The following FANCM variants were observed in gnomAD, a reference collection of about 807,000 sequenced individuals.
The protein encoded by FANCM is FA complementation group M, also known as Fanconi anemia group M protein.
FANCM carries 140 observed loss-of-function variants against 199.5 expected under a neutral mutation model. The ratio of observed to expected loss-of-function variants is 0.70; its 90% CI spans 0.61 to 0.81. The LOEUF is 0.81. Ranked by LOEUF, FANCM falls within the 30% of genes least tolerant of loss-of-function variation. The pLI, the probability that FANCM is intolerant of heterozygous loss-of-function variation, is 0.00. For synonymous variants in FANCM, 840 were observed against 836.8 expected (o/e 1.00, Z -0.07); for missense variants, 2,410 against 2,421.4 (o/e 1.00, Z 0.10).
chr14:45,175,693 A>G lies in FANCM; in HGVS notation c.2939A>G (p.His980Arg). 1 of 1,613,658 alleles carries G rather than the reference A, an allele frequency of 6.2e-7. No individual in the cohort carries two copies. The highest frequency in any genetic ancestry group is 8.5e-7 in the Non-Finnish European group (1 of 1,179,700). Residue 980 changes from histidine (H) to arginine (R), a missense_variant, in exon 14 of 23, where the codon CAC becomes CGC. Transcript: ENST00000267430. ...ACAGATGACCAATTTTATAATTGTCACTCATTGACAAAAGAGGTACTAGCT... is the reference window on the plus strand; with the variant it reads ...ACAGATGACCAATTTTATAATTGTCGCTCATTGACAAAAGAGGTACTAGCT... ...VRTDDQFYNC[H>R]SLTKEVLANV...
In FANCM at chr14:45,148,830, C is replaced by A; in HGVS notation, c.760-7C>A. 6.3e-7 allele frequency: 1 copy of A among 1,595,282 alleles called. No homozygotes were observed. The highest frequency in any genetic ancestry group is 8.6e-7 in the Non-Finnish European group (1 of 1,164,388). The stretch of plus-strand genomic sequence containing the variant: ...GTTTATAATCATACTTAATTGATTT[C>A]ATATAGGCTGTGCAACAAGTTATTA... On this transcript the variant is annotated splice_region_variant and splice_polypyrimidine_tract_variant and intron_variant, in intron 3 of 22. Transcript: ENST00000267430.
At chr14:45,160,862 G>C (rs911976199) in intron 9 of FANCM, among the ~76,000 whole-genome samples, 1 of 151,968 alleles carries the variant, frequency 6.6e-6, no homozygotes, top group Non-Finnish European at 1.5e-5. Flanking sequence ...TTTTATACCT[G>C]CCCTCACTAC....
At chr14:45,142,982 A>G (rs926930061) in intron 3 of FANCM, among the ~76,000 whole-genome samples, 3 of 152,028 alleles carry the variant, frequency 2.0e-5, no homozygotes, top group Non-Finnish European at 4.4e-5. Context: ...GCTTGCAACA[A>G]TTATTGTTGT....
chr14:45,181,702 C>G lies in FANCM; in HGVS notation c.4383C>G (p.Asn1461Lys). 6.3e-7 allele frequency: 1 copy of G among 1,598,306 alleles called. No homozygotes were observed. The highest frequency in any genetic ancestry group is 1.1e-5 in the South Asian group (1 of 90,590). Residue 1461 changes from asparagine (N) to lysine (K), a missense_variant, in exon 16 of 23, where the codon AAC becomes AAG. Transcript: ENST00000267430. ...TCAAAAAGCGCAGATTTCCTATAAA[C>G]AGAGTAAGTAAATACCAGGTAATGT... ...HAVKKRRFPI[N>K]RSELSSSDES...
At chr14:45,151,348 A>G (rs760512309) in intron 4 of FANCM, 49 bp from the exon 5 acceptor site, 3 of 1,552,972 alleles carry the variant, frequency 1.9e-6, no homozygotes, top group African/African-American at 2.7e-5. Context: ...ATTGTACTTG[A>G]AAAAGGACTT....
At chr14:45,142,308 CTTT>C (rs747693010) in intron 3 of FANCM, among the ~76,000 whole-genome samples, 6 of 137,602 alleles carry the variant, frequency 4.4e-5, no homozygotes, top group Admixed American at 7.3e-5. Context: ...CCTCTTTTTT[CTTT>C]TTTTTTTTTT....
At position 45,136,548 on chromosome 14, in the gene FANCM, G is replaced by A. The variant is rs928124198; in HGVS notation, c.508+9G>A. ...CATGGCCGAAATGACAGGTATCTTA[G>A]ACTGGACTAATTTTGAAGTAAGAGC... On this transcript the variant is annotated intron_variant, in intron 1 of 22. Coordinates refer to ENST00000267430, the MANE Select transcript of FANCM (RefSeq NM_020937.4). The A allele has an allele frequency of 6.2e-7, 1 of 1,612,236 alleles. No individual in the cohort carries two copies. The highest frequency in any genetic ancestry group is 1.3e-5 in the African/African-American group (1 of 74,910).
intron 3 of FANCM, among the ~76,000 whole-genome samples, chr14:45,142,269 TTC>T (rs1369164086): frequency 6.6e-6 from 1 of 151,974 alleles, no homozygotes; most frequent in African/African-American, 2.4e-5. Flanking sequence ...TTGTCATGGC[TTC>T]TTAGTCCCTT....
At position 45,196,408 on chromosome 14, in the gene FANCM, T is replaced by C. The variant is rs113831595; in HGVS notation, c.5577T>C (p.Asn1859=). 5.9e-4 allele frequency: 950 copies of C among 1,614,138 alleles called. 15 individuals are homozygous for C. In the African/African-American group the frequency reaches 0.011, roughly 18 times the overall value. The change falls in exon 21 of 23, where the codon AAT becomes AAC. Residue 1859 remains asparagine, a synonymous_variant. Coordinates refer to ENST00000267430, the MANE Select transcript of FANCM (RefSeq NM_020937.4). ...PLNGCDYIVS[N]RMVVERRSQS... ...ATGGCTGTGATTACATCGTGAGTAA[T>C]CGCATGGTGGTGGAAAGGAGGTCTC...
chr14:45,148,341 A>G (rs979206579), intron 3 of FANCM, among the ~76,000 whole-genome samples: 1 of 152,088 alleles, frequency 6.6e-6, no homozygotes, highest in Non-Finnish European at 1.5e-5. Context: ...AGAATACAAC[A>G]GATTATATGT....
In FANCM at chr14:45,196,409, C is replaced by T. The variant is rs139996409; in HGVS notation, c.5578C>T (p.Arg1860Cys). The T allele has an allele frequency of 6.8e-6, 11 of 1,613,884 alleles. No homozygotes were observed. The highest frequency in any genetic ancestry group is 2.7e-5 in the African/African-American group (2 of 74,876). Residue 1860 changes from arginine to cysteine, a missense_variant, in exon 21 of 23, where the codon CGC becomes TGC. Coordinates refer to ENST00000267430, the MANE Select transcript of FANCM (RefSeq NM_020937.4). ...LNGCDYIVSNRMVVERRSQSE... is the reference protein window; with the variant it reads ...LNGCDYIVSNCMVVERRSQSE... ...TGGCTGTGATTACATCGTGAGTAAT[C>T]GCATGGTGGTGGAAAGGAGGTCTCA...
intron 9 of FANCM, among the ~76,000 whole-genome samples, chr14:45,163,497 T>C (rs1301724235): frequency 6.6e-6 from 1 of 152,226 alleles, no homozygotes; most frequent in Non-Finnish European, 1.5e-5. Context: ...AGAACTAAGT[T>C]TATAAGGCTT....
Position 45,175,931 on chromosome 14 carries a change from T to C in FANCM, c.3177T>C (p.Tyr1059=). Residue 1059 remains tyrosine, a synonymous_variant, in exon 14 of 23, where the codon TAT becomes TAC. Coordinates refer to ENST00000267430, the MANE Select transcript of FANCM (RefSeq NM_020937.4). ...TGAATTCACTTAAATGTATAAATTA[T>C]CCATCTGAAAAAAGTTGCCTTTATG... is the stretch of plus-strand genomic sequence containing the variant. The part of the protein sequence containing the change: ...LELNSLKCIN[Y]PSEKSCLYDI... 1 of 1,613,142 alleles carries C rather than the reference T, an allele frequency of 6.2e-7. No individual in the cohort carries two copies. Among genetic ancestry groups the C allele is most frequent in the Non-Finnish European group, 8.5e-7 (1 of 1,179,336 alleles).
chr14:45,179,927 A>G, intron 14 of FANCM, among the ~76,000 whole-genome samples: 1 of 151,964 alleles, frequency 6.6e-6, no homozygotes, highest in East Asian at 1.9e-4. Context: ...AGGATTTAAG[A>G]TTTTTCCTAC....
At chr14:45,146,596 C>T (rs2092257254) in intron 3 of FANCM, among the ~76,000 whole-genome samples, 1 of 151,740 alleles carries the variant, frequency 6.6e-6, no homozygotes, top group Admixed American at 6.6e-5. Context: ...TTTGGGAGGC[C>T]GAGGCGGGTG....
Position 45,187,871 on chromosome 14 carries a change from TAAAC to T in FANCM, c.4765_4768del (p.Asn1589PhefsTer13). On this transcript the variant is annotated frameshift_variant, in exon 19 of 23. Transcript: ENST00000267430. LOFTEE classifies it high-confidence loss of function. ...ATGATTCATAAGACACATAAAAACATAAACATTTTCTCGCAGGTATGAACTATAG... is the reference window on the plus strand; with the variant it reads ...ATGATTCATAAGACACATAAAAACATATTTTCTCGCAGGTATGAACTATAG... The T allele has an allele frequency of 6.7e-7, 1 of 1,501,878 alleles. No homozygotes were observed. Among genetic ancestry groups the T allele is most frequent in the Non-Finnish European group, 9.3e-7 (1 of 1,078,236 alleles). 93.0% of individuals were successfully genotyped at this position (1,501,878 alleles called of 1,614,324 possible).
chr14:45,192,048 A>G (rs2139306741), intron 20 of FANCM, among the ~76,000 whole-genome samples: 1 of 152,100 alleles, frequency 6.6e-6, no homozygotes, highest in East Asian at 1.9e-4. Flanking sequence ...ATTTTTAAAA[A>G]TTAAATATTA....
At chr14:45,177,550 C>G (rs1023830212) in intron 14 of FANCM, among the ~76,000 whole-genome samples, 4 of 152,128 alleles carry the variant, frequency 2.6e-5, no homozygotes, top group Non-Finnish European at 5.9e-5. Flanking sequence ...CACCATCATG[C>G]CCGGCTAAGT....
At chr14:45,141,971 T>A (rs1392969900) in intron 3 of FANCM, among the ~76,000 whole-genome samples, 1 of 152,086 alleles carries the variant, frequency 6.6e-6, no homozygotes, top group African/African-American at 2.4e-5. Flanking sequence ...AGGATATTTT[T>A]AAATAGTAAA....
Sources: gnomAD v4.1 joint callset for allele counts (sites outside exome capture counted in the v4.1 genomes callset) on GRCh38, gnomAD v4.1.1 for gene constraint, MANE v1.5 for transcripts, NCBI Gene and HGNC (gene_info 2026-07-23, HGNC 2026-07-21) for gene names.